The following SEM1 variants were observed in gnomAD, a reference collection of about 807,000 sequenced individuals.
SEM1 encodes SEM1 26S proteasome subunit.
SEM1 carries 3 observed loss-of-function variants against 12.7 expected under a neutral mutation model. That is an observed-to-expected ratio of 0.24 (90% CI 0.11 to 0.61). The LOEUF is 0.61. SEM1 is among the 20% of genes least tolerant of loss of function. SEM1 has a pLI of 0.88. For synonymous variants in SEM1, 30 were observed against 27.8 expected (o/e 1.08, Z -0.25); for missense variants, 59 against 81.3 (o/e 0.73, Z 1.06).
intron 2 of SEM1, among the ~76,000 whole-genome samples, chr7:96,630,266 C>T (rs1036548254): frequency 1.3e-5 from 2 of 152,194 alleles, no homozygotes; most frequent in African/African-American, 4.8e-5. Context: ...CATCTGGGAG[C>T]TAAGAACTAA....
At chr7:96,486,599 C>A (rs1382037544) in intron 1 of SEM1, among the ~76,000 whole-genome samples, 1 of 152,136 alleles carries the variant, frequency 6.6e-6, no homozygotes, top group East Asian at 1.9e-4. Flanking sequence ...CAGCAGGTCA[C>A]CCCTCTCCCT....
intron 2 of SEM1, among the ~76,000 whole-genome samples, chr7:96,565,980 T>C (rs1353257274): frequency 2.0e-5 from 3 of 151,900 alleles, no homozygotes; most frequent in African/African-American, 7.2e-5. Context: ...GTCCAAATCA[T>C]ATAGCACTTT....
intron 1 of SEM1, among the ~76,000 whole-genome samples, chr7:96,700,992 AAAAT>A (rs1790254741): frequency 6.6e-6 from 1 of 152,188 alleles, no homozygotes; most frequent in African/African-American, 2.4e-5. Flanking sequence ...CTAATACTGC[AAAAT>A]AAATCAATTA....
chr7:96,579,962 T>TA (rs397781488), intron 2 of SEM1, among the ~76,000 whole-genome samples: 112 of 151,348 alleles, frequency 7.4e-4, no homozygotes, highest in African/African-American at 2.3e-3. Context: ...TCAATTTTTT[T>TA]AATTTATTTA....
Position 96,600,904 on chromosome 7 carries a change from G to A in SEM1, c.170+93894C>T, listed in dbSNP as rs188479722. ...AAATAGGAGGCAGAGAGGAAGTCAA[G>A]GATATGTCTAGACCCAACACTCCAC... is the stretch of plus-strand genomic sequence containing the variant. On this transcript the variant is annotated intron_variant and NMD_transcript_variant, in intron 2 of 3. Transcript: ENST00000466986. Among the ~76,000 whole-genome samples the A allele has an allele frequency of 4.9e-3, 744 of 152,266 alleles. 9 individuals carry two copies. The highest frequency in any genetic ancestry group is 0.017 in the African/African-American group (711 of 41,542).
chr7:96,706,937 C>A (rs1790486093), intron 1 of SEM1, among the ~76,000 whole-genome samples: 1 of 152,156 alleles, frequency 6.6e-6, no homozygotes, highest in Non-Finnish European at 1.5e-5. Flanking sequence ...CAATGGCATA[C>A]TTACAAGAAA....
intron 2 of SEM1, among the ~76,000 whole-genome samples, chr7:96,515,711 T>C (rs1195057894): frequency 6.6e-6 from 1 of 152,068 alleles, no homozygotes; most frequent in Non-Finnish European, 1.5e-5. Flanking sequence ...AAAGGATGAG[T>C]TCCTGCCCTT....
intron 1 of SEM1, among the ~76,000 whole-genome samples, chr7:96,708,608 A>G (rs1239806716): frequency 6.6e-6 from 1 of 152,232 alleles, no homozygotes; most frequent in East Asian, 1.9e-4. Context: ...CCAATAAAGC[A>G]GCCTATTTTG....
chr7:96,618,101 G>A (rs1263798438), downstream of SEM1, among the ~76,000 whole-genome samples: 2 of 152,118 alleles, frequency 1.3e-5, no homozygotes, highest in Non-Finnish European at 2.9e-5. Context: ...AGAAGGATTG[G>A]TATTAGTTCT....
chr7:96,557,883 T>C (rs1355593710), intron 2 of SEM1, among the ~76,000 whole-genome samples: 1 of 152,154 alleles, frequency 6.6e-6, no homozygotes, highest in Non-Finnish European at 1.5e-5. Context: ...GTGTGGGATA[T>C]AATCTCGTGG....
intron 2 of SEM1, among the ~76,000 whole-genome samples, chr7:96,654,830 G>A (rs1322666269): frequency 2.0e-5 from 3 of 152,200 alleles, no homozygotes; most frequent in Non-Finnish European, 4.4e-5. Flanking sequence ...GCTCATGACT[G>A]GGAGTCAGCA....
intron 2 of SEM1, among the ~76,000 whole-genome samples, chr7:96,570,106 T>A (rs544289808): frequency 6.6e-6 from 1 of 152,242 alleles, no homozygotes; most frequent in East Asian, 1.9e-4. Flanking sequence ...TTCATACTAT[T>A]TTCCATAAAG....
intron 1 of SEM1, among the ~76,000 whole-genome samples, chr7:96,488,312 AG>A (rs1370077132): frequency 4.6e-5 from 7 of 152,208 alleles, no homozygotes; most frequent in Non-Finnish European, 8.8e-5. Flanking sequence ...AGACAAACTT[AG>A]TCTACTTAAT....
intron 2 of SEM1, among the ~76,000 whole-genome samples, chr7:96,659,606 A>G (rs1788914023): frequency 6.6e-6 from 1 of 152,194 alleles, no homozygotes; most frequent in African/African-American, 2.4e-5. Context: ...GATAATCTCA[A>G]ACCTGATGTC....
Position 96,507,290 on chromosome 7 carries a change from C to T in SEM1, c.171-592G>A, listed in dbSNP as rs186996570. On this transcript the variant is annotated intron_variant and NMD_transcript_variant, in intron 2 of 3. Coordinates refer to the SEM1 transcript ENST00000466986. ...GAATTACTAAACTGCCTGAGTTTTG[C>T]GGCAGTATTCAGGTCAAGGAAACAT... Among the ~76,000 whole-genome samples, 667 of 152,090 alleles carry T rather than the reference C, an allele frequency of 4.4e-3. 28 individuals carry two copies. Among genetic ancestry groups the T allele is most frequent in the Admixed American group, 0.042 (633 of 15,234 alleles).
intron 2 of SEM1, among the ~76,000 whole-genome samples, chr7:96,601,538 G>C (rs758611566): frequency 6.6e-5 from 10 of 152,046 alleles, no homozygotes; most frequent in Non-Finnish European, 8.8e-5. Context: ...CTTGTTTGGG[G>C]AATAACAAGG....
chr7:96,502,094 G>A (rs1412129809), intron 3 of SEM1, among the ~76,000 whole-genome samples: 1 of 152,096 alleles, frequency 6.6e-6, no homozygotes, highest in East Asian at 1.9e-4. Context: ...TTCCCATGAT[G>A]TACATGTGCC....
At chr7:96,655,422 C>A (rs552713096) in intron 2 of SEM1, among the ~76,000 whole-genome samples, 27 of 150,386 alleles carry the variant, frequency 1.8e-4, no homozygotes, top group Non-Finnish European at 3.7e-4. Flanking sequence ...GTATATTTGA[C>A]ATAAAATCAA....
intron 2 of SEM1, among the ~76,000 whole-genome samples, chr7:96,601,380 G>T (rs74712217): frequency 6.6e-6 from 1 of 152,168 alleles, no homozygotes; most frequent in Non-Finnish European, 1.5e-5. Context: ...GGAGGATGGG[G>T]TGGGCTATGG....
Sources: allele counts gnomAD v4.1 joint callset (sites outside exome capture counted in the v4.1 genomes callset), GRCh38; gene constraint gnomAD v4.1.1; transcripts MANE v1.5; gene names NCBI Gene and HGNC (gene_info 2026-07-23, HGNC 2026-07-21).